LRGUK: variants seen among roughly 807,000 people sequenced by gnomAD.
LRGUK encodes the protein leucine rich repeats and guanylate kinase domain containing.
Under a neutral mutation model 76.0 loss-of-function variants are expected in LRGUK, and 65 were observed. The observed-to-expected ratio is 0.85, with a 90% CI of 0.70 to 1.05. The LOEUF (loss-of-function observed/expected upper bound fraction) is 1.05. LRGUK is among the 50% of genes least tolerant of loss of function. The pLI is 0.00. For synonymous variants in LRGUK, 268 were observed against 265.6 expected, an observed-to-expected ratio of 1.01 and a Z score of -0.09; for missense variants, 758 against 732.8, an observed-to-expected ratio of 1.03 and a Z score of -0.40.
At chr7:134,243,861 C>A (rs1054433051) in intron 16 of LRGUK, among the ~76,000 whole-genome samples, 1 of 152,034 alleles carries the variant, frequency 6.6e-6, no homozygotes, top group African/African-American at 2.4e-5. Context: ...GAGATATAGA[C>A]CAATGGAACA....
At chr7:134,128,733 T>C (rs770090551) in intron 1 of LRGUK, among the ~76,000 whole-genome samples, 1 of 152,156 alleles carries the variant, frequency 6.6e-6, no homozygotes, top group Non-Finnish European at 1.5e-5. Context: ...ATATTTTTAG[T>C]AGAGACGAGG....
chr7:134,271,276 A>C, the LRGUK span, among the ~76,000 whole-genome samples: 1 of 151,908 alleles, frequency 6.6e-6, no homozygotes, highest in Non-Finnish European at 1.5e-5. Context: ...ACCTTTTAAA[A>C]TGTTATATTT....
At chr7:134,222,646 G>C (rs1382803020) in intron 16 of LRGUK, among the ~76,000 whole-genome samples, 3 of 150,156 alleles carry the variant, frequency 2.0e-5, no homozygotes, top group Non-Finnish European at 3.0e-5. Flanking sequence ...TTTTGCTCTT[G>C]TTGCCAGGCT....
intron 16 of LRGUK, among the ~76,000 whole-genome samples, chr7:134,227,987 T>C (rs1001190560): frequency 6.6e-6 from 1 of 152,116 alleles, no homozygotes; most frequent in African/African-American, 2.4e-5. Flanking sequence ...AACTTTATGG[T>C]CCTGATAAAA....
At chr7:134,265,844 C>A (rs905789166), downstream of LRGUK, among the ~76,000 whole-genome samples, 1 of 152,162 alleles carries the variant, frequency 6.6e-6, no homozygotes, top group Non-Finnish European at 1.5e-5. Context: ...CTTCTCCTTC[C>A]CACTGGAGAG....
intron 4 of LRGUK, among the ~76,000 whole-genome samples, chr7:134,147,179 G>A (rs558573123): frequency 6.6e-6 from 1 of 152,090 alleles, no homozygotes. Context: ...TTGGGAGGCC[G>A]AGACGGGTGG....
chr7:134,228,390 A>G (rs1010310787), intron 16 of LRGUK, among the ~76,000 whole-genome samples: 1 of 152,188 alleles, frequency 6.6e-6, no homozygotes, highest in Non-Finnish European at 1.5e-5. Context: ...AGAGAGTGTC[A>G]TAGATAGAGA....
chr7:134,268,635 G>C (rs189917129), downstream of LRGUK, among the ~76,000 whole-genome samples: 210 of 149,640 alleles, frequency 1.4e-3, no homozygotes, highest in African/African-American at 4.7e-3. Context: ...CATTTTATGA[G>C]GCCAATATTA....
chr7:134,215,324 A>C (rs1000313990), intron 15 of LRGUK, among the ~76,000 whole-genome samples: 43 of 152,074 alleles, frequency 2.8e-4, no homozygotes, highest in African/African-American at 1.0e-3. Flanking sequence ...TGGCCTCCTA[A>C]ATTGATTTCA....
chr7:134,203,730 G>T (rs751931363), intron 15 of LRGUK, among the ~76,000 whole-genome samples: 27 of 152,148 alleles, frequency 1.8e-4, no homozygotes, highest in Non-Finnish European at 3.7e-4. Flanking sequence ...ACATTAGATT[G>T]GGAGCATGTC....
chr7:134,187,804 G>T (rs796391716), intron 11 of LRGUK, among the ~76,000 whole-genome samples: 17 of 152,298 alleles, frequency 1.1e-4, no homozygotes, highest in African/African-American at 4.1e-4. Context: ...TTAAGGCCAT[G>T]AAAGTGATCT....
At chr7:134,147,720 G>C (rs1439917954) in intron 4 of LRGUK, among the ~76,000 whole-genome samples, 3 of 152,100 alleles carry the variant, frequency 2.0e-5, no homozygotes, top group Admixed American at 6.6e-5. Context: ...ATGGGGAAGA[G>C]GCCTTCTTAC....
intron 16 of LRGUK, among the ~76,000 whole-genome samples, chr7:134,240,222 G>C (rs1802109926): frequency 6.6e-6 from 1 of 152,224 alleles, no homozygotes; most frequent in Non-Finnish European, 1.5e-5. Context: ...GAGAGAAGAA[G>C]GCTTCAGATG....
the LRGUK span, among the ~76,000 whole-genome samples, chr7:134,271,034 G>GTGTT: frequency 6.6e-6 from 1 of 151,980 alleles, no homozygotes; most frequent in East Asian, 1.9e-4. Flanking sequence ...GTGGTGTTAA[G>GTGTT]TGTTTAGTTT....
chr7:134,163,954 G>A (rs1415790163), intron 7 of LRGUK, among the ~76,000 whole-genome samples: 1 of 152,100 alleles, frequency 6.6e-6, no homozygotes, highest in Non-Finnish European at 1.5e-5. Context: ...GGCCATGATG[G>A]GGGGAGTGTT....
downstream of LRGUK, among the ~76,000 whole-genome samples, chr7:134,213,263 G>A (rs1003347585): frequency 6.6e-6 from 1 of 152,266 alleles, no homozygotes; most frequent in Admixed American, 6.5e-5. Flanking sequence ...CTGTCTGGAG[G>A]GGATATAGAG....
intron 10 of LRGUK, among the ~76,000 whole-genome samples, chr7:134,181,839 C>T (rs770838340): frequency 1.4e-4 from 22 of 152,148 alleles, no homozygotes; most frequent in Non-Finnish European, 2.8e-4. Flanking sequence ...CCAACCTTAT[C>T]GGATTTCACC....
chr7:134,183,046 G>A lies in LRGUK; in HGVS notation c.1215-688G>A, dbSNP rs886169912. 4.6e-5 allele frequency among the ~76,000 whole-genome samples: 7 copies of A among 152,306 alleles called. No homozygotes were observed. In the South Asian group the frequency reaches 8.3e-4, roughly 18 times the overall value. ...GCTGGGATTACAGGCTTGAGCCATC[G>A]CGCCCGGCTGCGGGAGATTTTATTA... On this transcript the variant is annotated intron_variant, in intron 10 of 15. Transcript: ENST00000645682.
chr7:134,233,366 C>G (rs1801945751), intron 16 of LRGUK, among the ~76,000 whole-genome samples: 1 of 152,232 alleles, frequency 6.6e-6, no homozygotes, highest in African/African-American at 2.4e-5. Flanking sequence ...ACCTTTACCC[C>G]TGAAGCAAGC....
Sources: allele counts gnomAD v4.1 joint callset (sites outside exome capture counted in the v4.1 genomes callset), GRCh38; gene constraint gnomAD v4.1.1; transcripts MANE v1.5; gene names NCBI Gene and HGNC (gene_info 2026-07-23, HGNC 2026-07-21).